Variants in PCCA observed in about 807,000 individuals in gnomAD.
PCCA encodes the protein propionyl-CoA carboxylase subunit alpha.
Under a neutral mutation model 101.3 loss-of-function variants are expected in PCCA, and 74 were observed. That is an observed-to-expected ratio of 0.73 (90% CI 0.61 to 0.89). PCCA has a LOEUF of 0.89. Ranked by LOEUF, PCCA falls within the 40% of genes least tolerant of loss-of-function variation. PCCA has a pLI of 0.00. For synonymous variants in PCCA, 294 were observed against 313.6 expected, an observed-to-expected ratio of 0.94 and a Z score of 0.66; for missense variants, 891 against 907.0, an observed-to-expected ratio of 0.98 and a Z score of 0.23.
At chr13:100,383,566 C>T (rs1053560140) in intron 19 of PCCA, among the ~76,000 whole-genome samples, 1 of 151,916 alleles carries the variant, frequency 6.6e-6, no homozygotes, top group South Asian at 2.1e-4. Flanking sequence ...GCCATGATTG[C>T]ACCACTGCAC....
At chr13:100,121,516 C>A (rs1471205292) in intron 4 of PCCA, among the ~76,000 whole-genome samples, 1 of 150,488 alleles carries the variant, frequency 6.6e-6, no homozygotes, top group East Asian at 1.9e-4. Flanking sequence ...ATTCTGTTGC[C>A]CAGGCTGGAG....
intron 21 of PCCA, among the ~76,000 whole-genome samples, chr13:100,470,684 TA>T (rs2082937758): frequency 6.6e-6 from 1 of 151,854 alleles, no homozygotes; most frequent in South Asian, 2.1e-4. Flanking sequence ...AAAATTAAAT[TA>T]AAAAATAAAA....
chr13:100,101,814 T>G (rs541575002), intron 1 of PCCA, among the ~76,000 whole-genome samples: 8 of 152,084 alleles, frequency 5.3e-5, no homozygotes, highest in Admixed American at 6.5e-5. Context: ...TTTTGGCCAG[T>G]CTGGTCGCAA....
At position 100,307,282 on chromosome 13, in the gene PCCA, A is replaced by G. The variant is rs748621122; in HGVS notation, c.1353+22A>G. The G allele has an allele frequency of 2.1e-6, 3 of 1,441,062 alleles. No homozygotes were observed. The Admixed American group carries it at 5.0e-5, about 24-fold the overall frequency. 89.3% of individuals were successfully genotyped at this position (1,441,062 alleles called of 1,614,324 possible). A position where few individuals can be genotyped will look rare whatever the true frequency, so the allele number is the denominator to read the frequency against. ...AAAAGTTAGTTTAATTTCTCAATGG[A>G]TTATTTGATTTCTTCGAAAAATCAA... On this transcript the variant is annotated intron_variant, in intron 15 of 23. Transcript: ENST00000376285.
At chr13:100,208,630 T>C (rs2059018894) in intron 6 of PCCA, among the ~76,000 whole-genome samples, 1 of 152,142 alleles carries the variant, frequency 6.6e-6, no homozygotes, top group Admixed American at 6.6e-5. Context: ...TCTATTTAAG[T>C]CACTAGCTTT....
At chr13:100,505,439 T>G (rs571443757) in intron 21 of PCCA, among the ~76,000 whole-genome samples, 2 of 152,354 alleles carry the variant, frequency 1.3e-5, no homozygotes, top group South Asian at 4.1e-4. Flanking sequence ...TTCCTTTCTT[T>G]GATTTTAGAG....
chr13:100,152,946 G>C (rs1280508276), intron 4 of PCCA, among the ~76,000 whole-genome samples: 2 of 151,948 alleles, frequency 1.3e-5, no homozygotes, highest in Non-Finnish European at 2.9e-5. Flanking sequence ...AGAAATTTTG[G>C]ACACATAAAC....
Position 100,301,447 on chromosome 13 carries a change from C to T in PCCA, c.1066-13C>T, listed in dbSNP as rs372186963. The T allele has an allele frequency of 1.4e-5, 22 of 1,613,866 alleles. No homozygotes were observed. In the South Asian group the frequency reaches 1.8e-4, roughly 13 times the overall value. ...TTTCTACACCTACTGACTGGCAGACCTTGGCCTTGCAGGTTGAGCATCCTG... is the reference window on the plus strand; with the variant it reads ...TTTCTACACCTACTGACTGGCAGACTTTGGCCTTGCAGGTTGAGCATCCTG... On this transcript the variant is annotated splice_polypyrimidine_tract_variant and intron_variant, in intron 12 of 23. Transcript: ENST00000376285.
At chr13:100,209,572 A>G (rs2152479158) in intron 7 of PCCA, 109 bp downstream of exon 7, 1 of 805,946 alleles carries the variant, frequency 1.2e-6, no homozygotes, top group African/African-American at 1.7e-5. Context: ...ACACACACAC[A>G]CACATATGCA....
chr13:100,462,393 A>G (rs2082224265), intron 21 of PCCA, among the ~76,000 whole-genome samples: 1 of 152,354 alleles, frequency 6.6e-6, no homozygotes, highest in Non-Finnish European at 1.5e-5. Flanking sequence ...TGTGCTAGGA[A>G]GTGGGTTAGT....
chr13:100,164,510 C>T (rs2054834779), intron 6 of PCCA, among the ~76,000 whole-genome samples: 2 of 152,110 alleles, frequency 1.3e-5, no homozygotes, highest in South Asian at 4.1e-4. Flanking sequence ...GTGCTATGTG[C>T]CCTGAGTGCT....
At chr13:100,526,601 A>G (rs1442017463) in intron 22 of PCCA, among the ~76,000 whole-genome samples, 1 of 152,252 alleles carries the variant, frequency 6.6e-6, no homozygotes, top group African/African-American at 2.4e-5. Flanking sequence ...ATATGGCCAC[A>G]GTGGTGTGAG....
chr13:100,134,414 A>G (rs1185253348), intron 4 of PCCA, among the ~76,000 whole-genome samples: 1 of 152,130 alleles, frequency 6.6e-6, no homozygotes, highest in Non-Finnish European at 1.5e-5. Flanking sequence ...ATGTTTATGT[A>G]CACACACAAA....
chr13:100,191,191 TAA>T lies in PCCA; in HGVS notation c.469-18139_469-18138del, dbSNP rs529111507. Among the ~76,000 whole-genome samples the T allele has an allele frequency of 2.6e-5, 4 of 152,340 alleles. No individual in the cohort carries two copies. In the East Asian group the frequency reaches 7.7e-4, roughly 29 times the overall value. On this transcript the variant is annotated intron_variant, in intron 6 of 23. Coordinates refer to ENST00000376285, the MANE Select transcript of PCCA (RefSeq NM_000282.4). ...GTGTTAGAAGTGTTTAAGGCAATGATAAAGTCAGTAAACTATTTCAAGCTGTT... is the reference window on the plus strand; with the variant it reads ...GTGTTAGAAGTGTTTAAGGCAATGATAGTCAGTAAACTATTTCAAGCTGTT...
intron 2 of PCCA, among the ~76,000 whole-genome samples, chr13:100,109,335 C>T (rs546714126): frequency 6.6e-5 from 10 of 152,236 alleles, no homozygotes; most frequent in East Asian, 5.8e-4. Context: ...GGGAGTTCAG[C>T]CTGGGTGGCT....
intron 21 of PCCA, among the ~76,000 whole-genome samples, chr13:100,501,730 C>T (rs1361698819): frequency 2.0e-5 from 3 of 152,018 alleles, no homozygotes; most frequent in South Asian, 2.1e-4. Flanking sequence ...AAAAATTAGC[C>T]GGGCATGGTG....
chr13:100,424,465 G>GT (rs2079014895), intron 19 of PCCA, among the ~76,000 whole-genome samples: 1 of 152,178 alleles, frequency 6.6e-6, no homozygotes, highest in South Asian at 2.1e-4. Flanking sequence ...ATGTACTTGG[G>GT]TTATTTGCCC....
chr13:100,425,770 G>T, intron 20 of PCCA, 39 bp downstream of exon 20: 1 of 1,338,984 alleles, frequency 7.5e-7, no homozygotes. Flanking sequence ...GCCTCCTCAA[G>T]TCCAGAATCC....
intron 1 of PCCA, 90 bp downstream of exon 1, chr13:100,089,315 TG>T: frequency 7.5e-7 from 1 of 1,328,558 alleles, no homozygotes; most frequent in Non-Finnish European, 9.6e-7. Flanking sequence ...GAGCGCTGGC[TG>T]GGTCCGGCTG....
Sources: gnomAD v4.1 joint callset for allele counts (sites outside exome capture counted in the v4.1 genomes callset) on GRCh38, gnomAD v4.1.1 for gene constraint, MANE v1.5 for transcripts, NCBI Gene and HGNC (gene_info 2026-07-23, HGNC 2026-07-21) for gene names.